The following LRTM1 variants were observed in gnomAD, a reference collection of about 807,000 sequenced individuals.
LRTM1 encodes leucine rich repeat transmembrane protein 1, also known as leucine-rich repeat and transmembrane domain-containing protein 1.
A neutral mutation model predicts 32.4 loss-of-function variants in LRTM1; 38 were observed. The observed-to-expected ratio is 1.17, with a 90% CI of 0.91 to 1.54. The LOEUF is 1.54. Among genes scored for constraint, LRTM1 ranks in the 40% most tolerant of loss-of-function variants. The probability of loss-of-function intolerance (pLI) is 0.00; values close to 1 mark genes in which losing one functional copy is unlikely to be tolerated. For missense variants in LRTM1, 466 were observed against 415.4 expected (o/e 1.12, Z -1.06); for synonymous variants, 186 against 169.9 (o/e 1.09, Z -0.74).
chr3:54,943,077 C>CT (rs1472881871), intron 1 of LRTM1, among the ~76,000 whole-genome samples: 1 of 151,964 alleles, frequency 6.6e-6, no homozygotes, highest in Admixed American at 6.6e-5. Context: ...TAGCAGGTGC[C>CT]TGTAGTCCCA....
Position 54,925,083 on chromosome 3 carries a change from T to C in LRTM1, c.140A>G (p.His47Arg), listed in dbSNP as rs1167056133. The C allele has an allele frequency of 6.2e-7, 1 of 1,613,986 alleles. No homozygotes were observed. Among genetic ancestry groups the C allele is most frequent in the Admixed American group, 1.7e-5 (1 of 60,010 alleles). The change falls in exon 2 of 3, where the codon CAT becomes CGT. Residue 47 changes from histidine (H) to arginine (R), a missense_variant. Coordinates refer to ENST00000273286, the MANE Select transcript of LRTM1 (RefSeq NM_020678.4). The stretch of plus-strand genomic sequence containing the variant: ...CAGCGTTCGAGTCTGAGGAGGTAAA[T>C]GGGAAGGGATTTCGGCCAGACCCTG... ...SQQGLAEIPS[H>R]LPPQTRTLHL... is the part of the protein sequence containing the mutation.
At chr3:54,942,851 C>T (rs1216828588) in intron 1 of LRTM1, among the ~76,000 whole-genome samples, 4 of 152,034 alleles carry the variant, frequency 2.6e-5, no homozygotes, top group South Asian at 2.1e-4. Context: ...AGTGAAACCC[C>T]ATCTCTACTA....
At chr3:54,961,304 G>A (rs576298818) in intron 1 of LRTM1, among the ~76,000 whole-genome samples, 3 of 152,276 alleles carry the variant, frequency 2.0e-5, no homozygotes, top group African/African-American at 7.2e-5. Context: ...TAAGAAATAT[G>A]ACCAGCAAGG....
At chr3:54,923,814 C>G (rs971098537) in intron 2 of LRTM1, among the ~76,000 whole-genome samples, 8 of 152,194 alleles carry the variant, frequency 5.3e-5, no homozygotes, top group African/African-American at 1.9e-4. Context: ...CTCTGGGACT[C>G]TGTTGCCCAT....
At chr3:54,926,272 C>T (rs539178721) in intron 1 of LRTM1, among the ~76,000 whole-genome samples, 1 of 152,224 alleles carries the variant, frequency 6.6e-6, no homozygotes, top group Non-Finnish European at 1.5e-5. Context: ...ATCCTCATAA[C>T]CTTGTAAATA....
intron 1 of LRTM1, among the ~76,000 whole-genome samples, chr3:54,943,694 T>C (rs910581724): frequency 1.3e-5 from 2 of 152,206 alleles, no homozygotes; most frequent in African/African-American, 2.4e-5. Flanking sequence ...TTACTACTAT[T>C]TTCTAAATGT....
At chr3:54,933,150 A>C (rs1396476927) in intron 1 of LRTM1, among the ~76,000 whole-genome samples, 1 of 148,954 alleles carries the variant, frequency 6.7e-6, no homozygotes, top group Non-Finnish European at 1.5e-5. Context: ...TTACTATCCT[A>C]TAAGAGATAG....
At chr3:54,935,704 A>G (rs1278959408) in intron 1 of LRTM1, among the ~76,000 whole-genome samples, 5 of 152,204 alleles carry the variant, frequency 3.3e-5, no homozygotes, top group African/African-American at 1.2e-4. Flanking sequence ...ATAACGTGAT[A>G]GTTCAGTTTC....
At chr3:54,965,617 G>A (rs1226753875) in intron 1 of LRTM1, among the ~76,000 whole-genome samples, 2 of 151,708 alleles carry the variant, frequency 1.3e-5, no homozygotes, top group Non-Finnish European at 2.9e-5. Context: ...ACAAATGGTC[G>A]TGAAGTTGAT....
chr3:54,930,762 C>A (rs1036990200), upstream of LRTM1, among the ~76,000 whole-genome samples: 4 of 152,222 alleles, frequency 2.6e-5, no homozygotes, highest in African/African-American at 9.6e-5. Context: ...TCAAGTGATA[C>A]TTAAGTGCCT....
chr3:54,926,768 G>A (rs763718301), intron 1 of LRTM1, among the ~76,000 whole-genome samples: 1 of 152,076 alleles, frequency 6.6e-6, no homozygotes, highest in African/African-American at 2.4e-5. Context: ...GTAGTTGAAC[G>A]GTTGCAGTTT....
chr3:54,933,051 CCCTTCCTTCCTTCCTTCCTTCCTT>C (rs60554563), upstream of LRTM1, among the ~76,000 whole-genome samples: 27,962 of 139,462 alleles, frequency 0.2, 3,008 homozygotes, highest in Non-Finnish European at 0.24. Flanking sequence ...ATCCATCCCT[CCCTTCCTTCCTTCCTTCCTTCCTT>C]CCTTCCTTCC....
chr3:54,962,692 T>G (rs1343473912), intron 1 of LRTM1, among the ~76,000 whole-genome samples: 1 of 152,196 alleles, frequency 6.6e-6, no homozygotes, highest in Non-Finnish European at 1.5e-5. Context: ...AAACAACTCC[T>G]GATTGGAATT....
chr3:54,942,192 A>G (rs890608975), intron 1 of LRTM1, among the ~76,000 whole-genome samples: 11 of 152,236 alleles, frequency 7.2e-5, no homozygotes, highest in African/African-American at 1.9e-4. Flanking sequence ...ACAACCGTGT[A>G]TCTCTGCCCA....
chr3:54,950,272 C>G (rs958453258), intron 1 of LRTM1, among the ~76,000 whole-genome samples: 1 of 152,136 alleles, frequency 6.6e-6, no homozygotes, highest in African/African-American at 2.4e-5. Flanking sequence ...TGGCACTGGC[C>G]CAAATGAACG....
chr3:54,929,033 G>A (rs1701111509), upstream of LRTM1, among the ~76,000 whole-genome samples: 1 of 152,150 alleles, frequency 6.6e-6, no homozygotes, highest in African/African-American at 2.4e-5. Flanking sequence ...GTAACTGTGT[G>A]TACGCTTTTA....
At chr3:54,957,465 C>G (rs1701928028) in intron 1 of LRTM1, among the ~76,000 whole-genome samples, 1 of 152,118 alleles carries the variant, frequency 6.6e-6, no homozygotes, top group South Asian at 2.1e-4. Context: ...TAATTTTCAT[C>G]ATGGAATAAG....
chr3:54,964,637 T>G (rs550799610), intron 1 of LRTM1, among the ~76,000 whole-genome samples: 111 of 152,254 alleles, frequency 7.3e-4, no homozygotes, highest in African/African-American at 2.5e-3. Context: ...TCGTGTTTTC[T>G]CTGATAAAGG....
intron 1 of LRTM1, among the ~76,000 whole-genome samples, chr3:54,949,000 G>A (rs1377950545): frequency 1.3e-5 from 2 of 152,232 alleles, no homozygotes; most frequent in Non-Finnish European, 2.9e-5. Flanking sequence ...GGGCTCAGCT[G>A]AAATCACCAA....
Sources: allele counts gnomAD v4.1 joint callset (sites outside exome capture counted in the v4.1 genomes callset), GRCh38; gene constraint gnomAD v4.1.1; transcripts MANE v1.5; gene names NCBI Gene and HGNC (gene_info 2026-07-23, HGNC 2026-07-21).